Variants in PGGT1B observed in about 807,000 individuals in gnomAD.
PGGT1B encodes the protein geranylgeranyl transferase type-1 subunit beta.
Under a neutral mutation model 46.1 loss-of-function variants are expected in PGGT1B, and 30 were observed. The ratio of observed to expected loss-of-function variants is 0.65; its 90% confidence interval spans 0.49 to 0.88. PGGT1B has a LOEUF of 0.88. PGGT1B is among the 40% of genes least tolerant of loss of function. PGGT1B has a pLI of 0.00. For missense variants in PGGT1B, 376 were observed against 455.9 expected (o/e 0.82, Z 1.60); for synonymous variants, 170 against 160.0 (o/e 1.06, Z -0.47).
intron 7 of PGGT1B, among the ~76,000 whole-genome samples, chr5:115,217,235 A>C (rs1756448268): frequency 6.6e-6 from 1 of 151,872 alleles, no homozygotes; most frequent in African/African-American, 2.4e-5. Context: ...ATTAAGCTAA[A>C]TTCAAAAGAC....
At chr5:115,249,732 C>T (rs1748008111) in intron 2 of PGGT1B, among the ~76,000 whole-genome samples, 1 of 152,096 alleles carries the variant, frequency 6.6e-6, no homozygotes, top group Admixed American at 6.5e-5. Flanking sequence ...AACATACTGA[C>T]ATATTGATTC....
At chr5:115,246,418 C>T (rs907050630) in intron 2 of PGGT1B, among the ~76,000 whole-genome samples, 2 of 151,578 alleles carry the variant, frequency 1.3e-5, no homozygotes, top group Middle Eastern at 3.5e-3. Context: ...CGGTTTCTGT[C>T]AATATTTGTC....
chr5:115,228,797 G>C (rs1472698636), intron 6 of PGGT1B, among the ~76,000 whole-genome samples: 2 of 152,204 alleles, frequency 1.3e-5, no homozygotes, highest in East Asian at 3.9e-4. Flanking sequence ...AGAAAGAAGT[G>C]GGGAGGTTAA....
chr5:115,244,367 A>T (rs961522512), intron 2 of PGGT1B, among the ~76,000 whole-genome samples: 3 of 141,996 alleles, frequency 2.1e-5, no homozygotes, highest in African/African-American at 7.7e-5. Context: ...CGGGAGGCTG[A>T]GGCAGGAAAA....
chr5:115,212,327 C>G lies in PGGT1B; in HGVS notation c.*75G>C. ...CTCTACCTTTTAAAAAAAGAGCACA[C>G]TTGGTTATACATGGCTTTTAAACTT... On this transcript the variant is annotated 3_prime_UTR_variant, in exon 9 of 9. Transcript: ENST00000419445. 1.9e-6 allele frequency: 3 copies of G among 1,596,390 alleles called. No homozygotes were observed. Among genetic ancestry groups the G allele is most frequent in the Non-Finnish European group, 1.7e-6 (2 of 1,172,336 alleles).
At chr5:115,260,218 A>G (rs541673353) in intron 1 of PGGT1B, among the ~76,000 whole-genome samples, 1 of 152,356 alleles carries the variant, frequency 6.6e-6, no homozygotes, top group South Asian at 2.1e-4. Context: ...AAACAAGAAA[A>G]TAAGAGTAAT....
chr5:115,204,794 G>A lies in PGGT1B; in HGVS notation c.*7608C>T, dbSNP rs1231427779. ...ATAAATGAATGATGTTCATAGCAAC[G>A]TTTATGAGCTGTAAGTAACCTAAGT... On this transcript the variant is annotated 3_prime_UTR_variant, in exon 9 of 9. Coordinates refer to ENST00000419445, the MANE Select transcript of PGGT1B (RefSeq NM_005023.4). 3 of 152,114 alleles carry A rather than the reference G, an allele frequency of 2.0e-5. No homozygotes were observed. The highest frequency in any genetic ancestry group is 2.1e-4 in the South Asian group (1 of 4,826). 9.4% of individuals were successfully genotyped at this position (152,114 alleles called of 1,614,324 possible).
chr5:115,245,748 A>T (rs1158384995), intron 2 of PGGT1B, among the ~76,000 whole-genome samples: 2 of 152,176 alleles, frequency 1.3e-5, no homozygotes, highest in African/African-American at 2.4e-5. Flanking sequence ...GAAAGACTGT[A>T]TACTGTCATG....
intron 6 of PGGT1B, among the ~76,000 whole-genome samples, chr5:115,222,514 C>T (rs894683577): frequency 6.6e-6 from 1 of 152,142 alleles, no homozygotes. Flanking sequence ...GTCCCACCAA[C>T]AGTGTAAAGG....
intron 6 of PGGT1B, among the ~76,000 whole-genome samples, chr5:115,226,275 A>G (rs1756780290): frequency 6.6e-6 from 1 of 152,166 alleles, no homozygotes; most frequent in Admixed American, 6.6e-5. Context: ...GGAAATGTCC[A>G]CTGGAACATT....
At chr5:115,212,984 T>C (rs1046599791) in intron 8 of PGGT1B, among the ~76,000 whole-genome samples, 4 of 152,154 alleles carry the variant, frequency 2.6e-5, no homozygotes, top group African/African-American at 7.2e-5. Context: ...TTTTTTTCTT[T>C]AAAACGAAAA....
At chr5:115,230,516 C>T (rs1190783872) in intron 6 of PGGT1B, among the ~76,000 whole-genome samples, 2 of 152,094 alleles carry the variant, frequency 1.3e-5, no homozygotes, top group African/African-American at 4.8e-5. Flanking sequence ...TTAATGTTTG[C>T]ACTGAATATA....
chr5:115,233,568 A>T (rs1234210921), intron 5 of PGGT1B, among the ~76,000 whole-genome samples: 1 of 151,690 alleles, frequency 6.6e-6, no homozygotes, highest in African/African-American at 2.4e-5. Flanking sequence ...AGCAAATGCA[A>T]AATAATGGAC....
chr5:115,232,342 G>T (rs1257517296), intron 5 of PGGT1B, among the ~76,000 whole-genome samples: 2 of 151,908 alleles, frequency 1.3e-5, no homozygotes, highest in African/African-American at 4.8e-5. Context: ...CACATAAAAG[G>T]AATTCTCAGC....
chr5:115,255,308 T>A lies in PGGT1B; in HGVS notation c.141-2053A>T, dbSNP rs919656931. 2.0e-5 allele frequency among the ~76,000 whole-genome samples: 3 copies of A among 152,124 alleles called. No homozygotes were observed. The South Asian group carries it at 6.2e-4, about 32-fold the overall frequency. ...TCCAAACACAATAAACCTTTAGACATGGGAAAAACCTCTACATAATAGCAA... is the reference window on the plus strand; with the variant it reads ...TCCAAACACAATAAACCTTTAGACAAGGGAAAAACCTCTACATAATAGCAA... On this transcript the variant is annotated intron_variant, in intron 1 of 8. Coordinates refer to ENST00000419445, the MANE Select transcript of PGGT1B (RefSeq NM_005023.4).
chr5:115,223,925 C>T lies in PGGT1B; in HGVS notation c.659-1917G>A, dbSNP rs368800601. On this transcript the variant is annotated intron_variant, in intron 6 of 8. Transcript: ENST00000419445. ...TTTAAATGCCTTGTTCCTAATACAT[C>T]TCATGCCTTAACTTTCCTTTCAGTG... Among the ~76,000 whole-genome samples the T allele has an allele frequency of 8.5e-5, 13 of 152,276 alleles. No homozygotes were observed. In the South Asian group the frequency reaches 2.5e-3, roughly 29 times the overall value.
chr5:115,239,336 G>A (rs1165521550), intron 3 of PGGT1B, among the ~76,000 whole-genome samples: 1 of 152,130 alleles, frequency 6.6e-6, no homozygotes. Flanking sequence ...GAGCCACTGT[G>A]CCTGGCCAGA....
intron 3 of PGGT1B, among the ~76,000 whole-genome samples, chr5:115,238,834 C>G (rs949704575): frequency 1.3e-5 from 2 of 152,124 alleles, no homozygotes; most frequent in Non-Finnish European, 2.9e-5. Context: ...AAAGCTGTTA[C>G]TTATCTTAAT....
chr5:115,211,397 G>A lies in PGGT1B; in HGVS notation c.*1005C>T, dbSNP rs1756217424. On this transcript the variant is annotated 3_prime_UTR_variant, in exon 9 of 9. Coordinates refer to ENST00000419445, the MANE Select transcript of PGGT1B (RefSeq NM_005023.4). ...GAGAATAAAAATGACCATGTATTGA[G>A]TTACACCACTGAATCTGTTTGAATG... is the stretch of plus-strand genomic sequence containing the variant. 6.6e-6 allele frequency: 1 copy of A among 151,752 alleles called. No individual in the cohort carries two copies. Among genetic ancestry groups the A allele is most frequent in the Admixed American group, 6.6e-5 (1 of 15,220 alleles). The allele number at this position is 151,752 out of a possible 1,614,324, so 9.4% of individuals were successfully genotyped here. A position where few individuals can be genotyped will look rare whatever the true frequency, so the allele number is the denominator to read the frequency against.
Sources: gnomAD v4.1 joint callset for allele counts (sites outside exome capture counted in the v4.1 genomes callset) on GRCh38, gnomAD v4.1.1 for gene constraint, MANE v1.5 for transcripts, NCBI Gene and HGNC (gene_info 2026-07-23, HGNC 2026-07-21) for gene names.